Variants in RERE observed in about 807,000 individuals in gnomAD.
RERE encodes the protein arginine-glutamic acid dipeptide repeats protein.
Under a neutral mutation model 146.1 loss-of-function variants are expected in RERE, and 40 were observed. The ratio of observed to expected loss-of-function variants is 0.27; its 90% CI spans 0.21 to 0.36. The LOEUF is 0.36. Among genes scored for constraint, RERE ranks in the 10% least tolerant of loss-of-function variants. RERE has a pLI of 1.00. For synonymous variants in RERE, 1,003 were observed against 866.0 expected (o/e 1.16, Z -2.78); for missense variants, 1,933 against 2,138.7 (o/e 0.90, Z 1.90).
In RERE at chr1:8,574,618, A is replaced by G. The variant is rs186041262; in HGVS notation, c.523-17095T>C. ...TGCAATATTATATAGAAATGAAAATACTGCAACTTACAAAAACATGAATTT... is the reference window on the plus strand; with the variant it reads ...TGCAATATTATATAGAAATGAAAATGCTGCAACTTACAAAAACATGAATTT... On this transcript the variant is annotated intron_variant, in intron 4 of 22. Transcript: ENST00000400908. Among the ~76,000 whole-genome samples the G allele has an allele frequency of 2.0e-4, 31 of 152,356 alleles. 1 individual carries two copies. In the East Asian group the frequency reaches 5.8e-3, roughly 28 times the overall value.
At chr1:8,526,503 CCG>C (rs1002786314) in intron 7 of RERE, among the ~76,000 whole-genome samples, 2 of 152,112 alleles carry the variant, frequency 1.3e-5, no homozygotes, top group African/African-American at 4.8e-5. Context: ...ACCAAACAAT[CCG>C]GGTAAAGTTA....
Position 8,521,176 on chromosome 1 carries a change from C to CAAAAAAAAA in RERE, c.831-12510_831-12502dup, listed in dbSNP as rs36115526. Reference sequence around the variant, plus strand: ...TTATGGAAGTAGAGCTTCTTTTTTTCAAAAAAAAAAAAAAAAAGAACTCCA... The same window carrying CAAAAAAAAA: ...TTATGGAAGTAGAGCTTCTTTTTTTCAAAAAAAAAAAAAAAAAAAAAAAAAAGAACTCCA... On this transcript the variant is annotated intron_variant, in intron 7 of 22. Transcript: ENST00000400908. Among the ~76,000 whole-genome samples, 116 of 109,774 alleles carry CAAAAAAAAA rather than the reference C, an allele frequency of 1.1e-3. 3 individuals carry two copies. The highest frequency in any genetic ancestry group is 3.5e-3 in the African/African-American group (98 of 28,142). The allele number at this position is 109,774 out of a possible 152,430, so 72.0% of individuals were successfully genotyped here.
At chr1:8,446,931 G>T (rs1469640167) in intron 11 of RERE, among the ~76,000 whole-genome samples, 7 of 151,618 alleles carry the variant, frequency 4.6e-5, no homozygotes, top group Non-Finnish European at 8.8e-5. Flanking sequence ...CGCCCGCCTC[G>T]GCCTCCCAAA....
intron 1 of RERE, among the ~76,000 whole-genome samples, chr1:8,705,193 T>G (rs1375280218): frequency 6.6e-6 from 1 of 152,256 alleles, no homozygotes; most frequent in Non-Finnish European, 1.5e-5. Flanking sequence ...CAAACCGCTC[T>G]ATTCTGAATT....
At chr1:8,743,500 C>T (rs1640355201) in intron 1 of RERE, among the ~76,000 whole-genome samples, 1 of 151,218 alleles carries the variant, frequency 6.6e-6, no homozygotes, top group South Asian at 2.1e-4. Context: ...ACTCCTGGCC[C>T]CAAGGAATCC....
Position 8,635,972 on chromosome 1 carries a change from C to CTTATTTTATT in RERE, c.326-11593_326-11592insAATAAAATAA, listed in dbSNP as rs1404664984. On this transcript the variant is annotated intron_variant, in intron 2 of 22. Transcript: ENST00000400908. ...TTTATCTTATCTTATCTTATCTTATCTTATCTTATTTTATTTTATTTTATT... is the reference window on the plus strand; with the variant it reads ...TTTATCTTATCTTATCTTATCTTATCTTATTTTATTTTATCTTATTTTATTTTATTTTATT... Among the ~76,000 whole-genome samples, 1,117 of 143,914 alleles carry CTTATTTTATT rather than the reference C, an allele frequency of 7.8e-3. 7 individuals carry two copies. Among genetic ancestry groups the CTTATTTTATT allele is most frequent in the Non-Finnish European group, 0.012 (776 of 66,762 alleles). The allele number at this position is 143,914 out of a possible 152,430, so 94.4% of individuals were successfully genotyped here.
At chr1:8,488,484 G>T (rs1054186398) in intron 10 of RERE, among the ~76,000 whole-genome samples, 1 of 152,108 alleles carries the variant, frequency 6.6e-6, no homozygotes, top group African/African-American at 2.4e-5. Flanking sequence ...GACCTCAGGC[G>T]ATCCGCTCAC....
rs967916641 is a variant in RERE, at chr1:8,684,767, A to G, written c.-144-28326T>C. On this transcript the variant is annotated intron_variant, in intron 1 of 22. Transcript: ENST00000400908. ...CATCTTTGCCTCCTGCAATTGCAAT[A>G]AACAGGAAACACTAATTGGTCACCT... 2.6e-4 allele frequency among the ~76,000 whole-genome samples: 40 copies of G among 152,220 alleles called. 1 individual carries two copies. The highest frequency in any genetic ancestry group is 4.1e-4 in the Non-Finnish European group (28 of 68,040).
At chr1:8,416,312 G>A (rs367571066) in intron 12 of RERE, among the ~76,000 whole-genome samples, 15 of 152,270 alleles carry the variant, frequency 9.9e-5, no homozygotes, top group Middle Eastern at 3.4e-3. Context: ...ACGGTCAGGC[G>A]CGGTGGCTCA....
At chr1:8,523,307 T>TGA (rs1645528176) in intron 7 of RERE, among the ~76,000 whole-genome samples, 1 of 152,374 alleles carries the variant, frequency 6.6e-6, no homozygotes, top group Admixed American at 6.5e-5. Flanking sequence ...GCTTTAAATG[T>TGA]GAGGCTCCCT....
At chr1:8,412,424 A>C (rs1449264632) in intron 12 of RERE, among the ~76,000 whole-genome samples, 2 of 152,216 alleles carry the variant, frequency 1.3e-5, no homozygotes, top group Non-Finnish European at 2.9e-5. Flanking sequence ...CAGTCATAGG[A>C]AGCTTACAAA....
intron 12 of RERE, among the ~76,000 whole-genome samples, chr1:8,381,481 T>C (rs1037025285): frequency 6.6e-6 from 1 of 152,208 alleles, no homozygotes; most frequent in Admixed American, 6.5e-5. Flanking sequence ...TAACTCAGTT[T>C]CAGTGATAAG....
intron 12 of RERE, among the ~76,000 whole-genome samples, chr1:8,393,052 G>A (rs1388599766): frequency 6.6e-6 from 1 of 152,160 alleles, no homozygotes; most frequent in Non-Finnish European, 1.5e-5. Context: ...AGGAGAATGT[G>A]GTGGGCTTAC....
intron 7 of RERE, among the ~76,000 whole-genome samples, chr1:8,532,797 G>A (rs1645674264): frequency 6.6e-6 from 1 of 152,136 alleles, no homozygotes; most frequent in African/African-American, 2.4e-5. Context: ...GGTTTCCCAT[G>A]TTGGCCAGAC....
At chr1:8,680,482 A>G (rs773160399) in intron 1 of RERE, among the ~76,000 whole-genome samples, 1 of 152,208 alleles carries the variant, frequency 6.6e-6, no homozygotes, top group African/African-American at 2.4e-5. Context: ...GATTCCATAG[A>G]AAATGTTTCC....
intron 10 of RERE, among the ~76,000 whole-genome samples, chr1:8,481,265 T>C (rs1283390229): frequency 1.3e-5 from 2 of 152,120 alleles, no homozygotes; most frequent in Admixed American, 6.5e-5. Flanking sequence ...TACAGGAGCA[T>C]ACCACCATGC....
rs76241386 is a variant in RERE, at chr1:8,586,190, T to G, written c.522+28371A>C. ...GAAAGTAAAGCAACGCAGCGAGAGA[T>G]CTGCAGAGTATTTTATAATAGATTC... On this transcript the variant is annotated intron_variant, in intron 4 of 22. Transcript: ENST00000400908. Among the ~76,000 whole-genome samples the G allele has an allele frequency of 9.6e-3, 1,462 of 152,236 alleles. 27 individuals carry two copies. Among genetic ancestry groups the G allele is most frequent in the African/African-American group, 0.034 (1,406 of 41,522 alleles).
At chr1:8,626,490 A>C (rs144959897) in intron 2 of RERE, among the ~76,000 whole-genome samples, 264 of 152,272 alleles carry the variant, frequency 1.7e-3, no homozygotes, top group African/African-American at 6.1e-3. Flanking sequence ...AAACTGCCTA[A>C]ATCCAACCCA....
At chr1:8,733,692 G>C (rs1640136776) in intron 1 of RERE, among the ~76,000 whole-genome samples, 1 of 152,226 alleles carries the variant, frequency 6.6e-6, no homozygotes, top group Non-Finnish European at 1.5e-5. Context: ...AACCTGAGAA[G>C]GGACCTCAAG....
Sources: allele counts gnomAD v4.1 joint callset (sites outside exome capture counted in the v4.1 genomes callset), GRCh38; gene constraint gnomAD v4.1.1; transcripts MANE v1.5; gene names NCBI Gene and HGNC (gene_info 2026-07-23, HGNC 2026-07-21).